KCMF1: variants seen among roughly 807,000 people sequenced by gnomAD.
KCMF1 encodes potassium channel modulatory factor 1.
In KCMF1, 3 loss-of-function variants were observed where a neutral mutation model predicts 41.1. The ratio of observed to expected loss-of-function variants is 0.07; its 90% CI spans 0.03 to 0.19. The LOEUF (loss-of-function observed/expected upper bound fraction) is 0.19, where lower values mean the gene tolerates loss of function less well. KCMF1 is among the 10% of genes least tolerant of loss of function. The probability of loss-of-function intolerance (pLI) is 1.00; values close to 1 mark genes in which losing one functional copy is unlikely to be tolerated. For missense variants in KCMF1, 286 were observed against 488.9 expected (o/e 0.58, Z 3.91); for synonymous variants, 142 against 164.5 (o/e 0.86, Z 1.04).
chr2:84,972,531 G>A (rs1673427909), intron 1 of KCMF1, among the ~76,000 whole-genome samples: 1 of 152,180 alleles, frequency 6.6e-6, no homozygotes, highest in Admixed American at 6.5e-5. Flanking sequence ...GTCCTGCTAA[G>A]GTTAATACAA....
At chr2:85,038,784 A>G (rs1266189028) in intron 3 of KCMF1, among the ~76,000 whole-genome samples, 3 of 152,208 alleles carry the variant, frequency 2.0e-5, no homozygotes, top group Admixed American at 6.5e-5. Context: ...ATCCCTTGGC[A>G]TAATAAGCCT....
In KCMF1 at chr2:85,040,690, T is replaced by G. The variant is rs188292249; in HGVS notation, c.325-2874T>G. 1.8e-3 allele frequency among the ~76,000 whole-genome samples: 272 copies of G among 152,262 alleles called. 3 individuals carry two copies. The highest frequency in any genetic ancestry group is 3.9e-3 in the East Asian group (20 of 5,188). On this transcript the variant is annotated intron_variant, in intron 3 of 6. Coordinates refer to ENST00000409785, the MANE Select transcript of KCMF1 (RefSeq NM_020122.5). ...TTTCCTTTCCAACTCCTCATTTGAG[T>G]TAACTTCATGTGACCCAAGTGTGGC...
intron 1 of KCMF1, among the ~76,000 whole-genome samples, chr2:84,993,902 T>TTTTG (rs1674109820): frequency 3.0e-5 from 4 of 135,284 alleles, no homozygotes; most frequent in African/African-American, 8.6e-5. Flanking sequence ...GTTTGAACAT[T>TTTTG]TTTTGTTTTG....
chr2:84,992,792 G>T (rs1674074946), intron 1 of KCMF1, among the ~76,000 whole-genome samples: 1 of 152,116 alleles, frequency 6.6e-6, no homozygotes, highest in African/African-American at 2.4e-5. Flanking sequence ...ACCATGCCTG[G>T]CTGATTTTTT....
chr2:84,978,275 G>T (rs2103962068), intron 1 of KCMF1, among the ~76,000 whole-genome samples: 2 of 152,242 alleles, frequency 1.3e-5, no homozygotes, highest in Admixed American at 1.3e-4. Context: ...AGGATTACAG[G>T]CATGAGCCAC....
chr2:85,000,682 A>G (rs183918235), intron 1 of KCMF1, among the ~76,000 whole-genome samples: 43 of 152,332 alleles, frequency 2.8e-4, no homozygotes, highest in Admixed American at 9.2e-4. Flanking sequence ...TAATAGTGAC[A>G]TACTAGAAAG....
chr2:85,019,817 C>CGT (rs745670327), intron 1 of KCMF1, among the ~76,000 whole-genome samples: 15 of 149,400 alleles, frequency 1.0e-4, no homozygotes, highest in Admixed American at 2.0e-4. Flanking sequence ...TATATACATA[C>CGT]GTATATATAT....
chr2:85,031,383 C>A (rs1161410437), intron 2 of KCMF1, among the ~76,000 whole-genome samples: 1 of 152,114 alleles, frequency 6.6e-6, no homozygotes, highest in Non-Finnish European at 1.5e-5. Context: ...AGATGGTCCC[C>A]AGTTTATGAT....
intron 2 of KCMF1, among the ~76,000 whole-genome samples, chr2:85,034,019 C>CAA (rs543294824): frequency 4.3e-4 from 56 of 128,762 alleles, no homozygotes; most frequent in East Asian, 1.5e-3. Context: ...CCCATCTTTC[C>CAA]AAAAAAAAAA....
At chr2:85,043,750 G>C in intron 4 of KCMF1, 85 bp downstream of exon 4, 1 of 909,100 alleles carries the variant, frequency 1.1e-6, no homozygotes, top group East Asian at 2.6e-5. Context: ...AGATCTCGCT[G>C]TGTCGACCTG....
At chr2:85,019,708 T>A (rs1674879680) in intron 1 of KCMF1, among the ~76,000 whole-genome samples, 1 of 151,758 alleles carries the variant, frequency 6.6e-6, no homozygotes, top group Admixed American at 6.6e-5. Flanking sequence ...TAAACTTACC[T>A]GTTTGACTTA....
At position 85,056,793 on chromosome 2, in the gene KCMF1, T is replaced by G. The variant is rs1013391293; in HGVS notation, c.*3384T>G. 15 of 152,236 alleles carry G rather than the reference T, an allele frequency of 9.9e-5. No individual in the cohort carries two copies. Among genetic ancestry groups the G allele is most frequent in the African/African-American group, 3.4e-4 (14 of 41,448 alleles). 9.4% of individuals were successfully genotyped at this position (152,236 alleles called of 1,614,324 possible). A position where few individuals can be genotyped will look rare whatever the true frequency, so the allele number is the denominator to read the frequency against. On this transcript the variant is annotated 3_prime_UTR_variant, in exon 7 of 7. Transcript: ENST00000409785. The stretch of plus-strand genomic sequence containing the variant: ...TCTTAACAGTTTTGTAGAGAAGCCC[T>G]GCAGCCGTGTTTACTATATATGACA...
intron 6 of KCMF1, among the ~76,000 whole-genome samples, chr2:85,052,799 GA>G (rs1295758359): frequency 6.6e-6 from 1 of 152,180 alleles, no homozygotes; most frequent in Non-Finnish European, 1.5e-5. Context: ...ACCCCCAGAT[GA>G]AATTCTGGTT....
At chr2:85,014,684 T>C (rs1161926614) in intron 1 of KCMF1, among the ~76,000 whole-genome samples, 1 of 150,384 alleles carries the variant, frequency 6.6e-6, no homozygotes, top group Non-Finnish European at 1.5e-5. Context: ...GAATTGCACA[T>C]GTATATGGAA....
In KCMF1 at chr2:84,994,855, C is replaced by T. The variant is rs548417272; in HGVS notation, c.16+23388C>T. On this transcript the variant is annotated intron_variant, in intron 1 of 6. Coordinates refer to ENST00000409785, the MANE Select transcript of KCMF1 (RefSeq NM_020122.5). ...TTTAAAATGTCTATTTATAGTAGCC[C>T]TCTTCTTGAAAATACTGTTTATTTG... Among the ~76,000 whole-genome samples, 3 of 152,204 alleles carry T rather than the reference C, an allele frequency of 2.0e-5. No individual in the cohort carries two copies. The East Asian group carries it at 5.8e-4, about 29-fold the overall frequency.
At chr2:85,008,385 A>C (rs867143099) in intron 1 of KCMF1, among the ~76,000 whole-genome samples, 5 of 128,852 alleles carry the variant, frequency 3.9e-5, no homozygotes, top group African/African-American at 1.4e-4. Flanking sequence ...GATATATTAT[A>C]TATGATATAT....
chr2:85,007,817 AGTGCAATGGCG>A, intron 1 of KCMF1, among the ~76,000 whole-genome samples: 1 of 152,264 alleles, frequency 6.6e-6, no homozygotes, highest in Non-Finnish European at 1.5e-5. Flanking sequence ...CCCAGTCTGG[AGTGCAATGGCG>A]TGATCTCACT....
At chr2:84,982,961 C>T (rs1235934270) in intron 1 of KCMF1, among the ~76,000 whole-genome samples, 1 of 152,170 alleles carries the variant, frequency 6.6e-6, no homozygotes, top group Non-Finnish European at 1.5e-5. Context: ...CGTCAAGTGA[C>T]AGTAGATGAG....
chr2:84,999,244 G>A (rs1472989395), intron 1 of KCMF1, among the ~76,000 whole-genome samples: 2 of 151,946 alleles, frequency 1.3e-5, no homozygotes, highest in African/African-American at 4.8e-5. Flanking sequence ...TCAGCCTCCC[G>A]GGTTGAAGCA....
Sources: gnomAD v4.1 joint callset for allele counts (sites outside exome capture counted in the v4.1 genomes callset) on GRCh38, gnomAD v4.1.1 for gene constraint, MANE v1.5 for transcripts, NCBI Gene and HGNC (gene_info 2026-07-23, HGNC 2026-07-21) for gene names.